The following PDE7B variants were observed in gnomAD, a reference collection of about 807,000 sequenced individuals.
PDE7B encodes phosphodiesterase 7B, also known as 3',5'-cyclic-AMP phosphodiesterase 7B.
Under a neutral mutation model 56.2 loss-of-function variants are expected in PDE7B, and 29 were observed. The observed-to-expected ratio is 0.52, with a 90% CI of 0.38 to 0.70. PDE7B has a LOEUF of 0.70. Among genes scored for constraint, PDE7B ranks in the 30% least tolerant of loss-of-function variants. The pLI, the probability that PDE7B is intolerant of heterozygous loss-of-function variation, is 0.00. For synonymous variants in PDE7B, 197 were observed against 196.9 expected, an observed-to-expected ratio of 1.00 and a Z score of 0.00; for missense variants, 490 against 565.0, an observed-to-expected ratio of 0.87 and a Z score of 1.35.
chr6:135,883,087 T>C (rs1775639215), intron 1 of PDE7B, among the ~76,000 whole-genome samples: 1 of 152,218 alleles, frequency 6.6e-6, no homozygotes, highest in South Asian at 2.1e-4. Flanking sequence ...GGTTTCTTTT[T>C]ACTAATACAC....
intron 2 of PDE7B, among the ~76,000 whole-genome samples, chr6:136,063,570 C>T (rs1468670516): frequency 6.6e-6 from 1 of 152,218 alleles, no homozygotes; most frequent in Non-Finnish European, 1.5e-5. Flanking sequence ...ACAAGTTACT[C>T]TTTCCAAGGC....
At chr6:135,878,919 T>C (rs1775551426) in intron 1 of PDE7B, among the ~76,000 whole-genome samples, 2 of 152,192 alleles carry the variant, frequency 1.3e-5, no homozygotes, top group Non-Finnish European at 2.9e-5. Flanking sequence ...TTTTATTTGA[T>C]TTGTAACAGC....
chr6:136,015,102 A>T (rs529940248), intron 2 of PDE7B, among the ~76,000 whole-genome samples: 1 of 152,192 alleles, frequency 6.6e-6, no homozygotes, highest in Admixed American at 6.5e-5. Flanking sequence ...ATTCCATGAT[A>T]TTTGTATTAG....
At position 135,978,943 on chromosome 6, in the gene PDE7B, C is replaced by T. The variant is rs186162951; in HGVS notation, c.82+31419C>T. 3.7e-3 allele frequency among the ~76,000 whole-genome samples: 568 copies of T among 152,056 alleles called. 14 individuals carry two copies. Among genetic ancestry groups the T allele is most frequent in the African/African-American group, 0.011 (475 of 41,362 alleles). On this transcript the variant is annotated intron_variant, in intron 2 of 12. Transcript: ENST00000308191. Reference sequence around the variant, plus strand: ...AATAGGAGTGGTGAGAGAGGGCATCCGTGTCTTGTGCCAGATTTCAAGGGA... The same window carrying T: ...AATAGGAGTGGTGAGAGAGGGCATCTGTGTCTTGTGCCAGATTTCAAGGGA...
intron 8 of PDE7B, among the ~76,000 whole-genome samples, chr6:136,160,131 CAACTTT>C (rs1437105827): frequency 2.0e-5 from 3 of 152,102 alleles, no homozygotes; most frequent in Non-Finnish European, 4.4e-5. Flanking sequence ...CTTACTCCTT[CAACTTT>C]AAGATGAAGA....
intron 1 of PDE7B, among the ~76,000 whole-genome samples, chr6:135,911,153 T>G (rs189363487): frequency 6.6e-6 from 1 of 152,358 alleles, no homozygotes; most frequent in African/African-American, 2.4e-5. Flanking sequence ...AAACATAGTC[T>G]TTATTTACAA....
At chr6:135,930,574 C>A (rs1774276136) in intron 1 of PDE7B, among the ~76,000 whole-genome samples, 1 of 152,024 alleles carries the variant, frequency 6.6e-6, no homozygotes, top group African/African-American at 2.4e-5. Context: ...ATAAGGAAAG[C>A]CAAATGGATT....
At chr6:135,918,603 G>A (rs1302009315) in intron 1 of PDE7B, among the ~76,000 whole-genome samples, 1 of 151,110 alleles carries the variant, frequency 6.6e-6, no homozygotes, top group Non-Finnish European at 1.5e-5. Flanking sequence ...CCTGTAAGAT[G>A]AAAGTCCATT....
chr6:136,074,234 A>C lies in PDE7B; in HGVS notation c.83-34497A>C, dbSNP rs867363125. Among the ~76,000 whole-genome samples the C allele has an allele frequency of 2.0e-4, 31 of 151,594 alleles. No individual in the cohort carries two copies. In the Middle Eastern group the frequency reaches 0.01, roughly 50 times the overall value. ...GGTGACAGAGAGACCTTGTCTCAAAAAAAAAAAAAGGCGGGGGGGATTTGG... is the reference window on the plus strand; with the variant it reads ...GGTGACAGAGAGACCTTGTCTCAAACAAAAAAAAAGGCGGGGGGGATTTGG... On this transcript the variant is annotated intron_variant, in intron 2 of 12. Coordinates refer to ENST00000308191, the MANE Select transcript of PDE7B (RefSeq NM_018945.4).
intron 1 of PDE7B, among the ~76,000 whole-genome samples, chr6:135,906,947 A>G (rs1776127348): frequency 6.6e-6 from 1 of 151,666 alleles, no homozygotes; most frequent in Non-Finnish European, 1.5e-5. Context: ...AGGGTAACCA[A>G]ACTTAACCAG....
intron 2 of PDE7B, among the ~76,000 whole-genome samples, chr6:136,061,058 G>A (rs200183925): frequency 2.6e-5 from 4 of 152,056 alleles, no homozygotes; most frequent in African/African-American, 7.2e-5. Context: ...CTATGAAGTT[G>A]GCTGGCACCC....
At chr6:136,067,956 G>T (rs972269618) in intron 2 of PDE7B, among the ~76,000 whole-genome samples, 1 of 152,178 alleles carries the variant, frequency 6.6e-6, no homozygotes, top group African/African-American at 2.4e-5. Context: ...TGAATTTCTG[G>T]TTCTTGATTT....
chr6:135,871,011 T>G (rs1265107346), intron 1 of PDE7B, among the ~76,000 whole-genome samples: 1 of 152,134 alleles, frequency 6.6e-6, no homozygotes, highest in African/African-American at 2.4e-5. Context: ...CATGAAAGCC[T>G]CTTTAGACAT....
intron 2 of PDE7B, among the ~76,000 whole-genome samples, chr6:135,983,900 A>G (rs775504047): frequency 6.6e-6 from 1 of 152,250 alleles, no homozygotes; most frequent in Non-Finnish European, 1.5e-5. Flanking sequence ...AGGTTTCTTC[A>G]TTTCCCATAT....
chr6:136,017,335 C>A (rs1775992642), intron 2 of PDE7B, among the ~76,000 whole-genome samples: 1 of 152,090 alleles, frequency 6.6e-6, no homozygotes, highest in African/African-American at 2.4e-5. Flanking sequence ...TTTCAGCAAA[C>A]CTGAAAACTT....
At chr6:136,189,159 T>G (rs1033558226) in intron 12 of PDE7B, among the ~76,000 whole-genome samples, 3 of 152,208 alleles carry the variant, frequency 2.0e-5, no homozygotes, top group African/African-American at 7.2e-5. Context: ...CTCTCAGGCT[T>G]AGATCTGATT....
At position 135,866,729 on chromosome 6, in the gene PDE7B, T is replaced by A. The variant is rs113779184; in HGVS notation, c.21+14710T>A. ...TCATTATCTAAATTGTTTCACAGTT[T>A]ACAGTTCTGTACAAGCTAATGTCTC... On this transcript the variant is annotated intron_variant, in intron 1 of 12. Coordinates refer to ENST00000308191, the MANE Select transcript of PDE7B (RefSeq NM_018945.4). Among the ~76,000 whole-genome samples the A allele has an allele frequency of 7.3e-4, 111 of 152,334 alleles. 1 individual carries two copies. Among genetic ancestry groups the A allele is most frequent in the Non-Finnish European group, 1.4e-3 (95 of 68,026 alleles).
chr6:136,193,741 A>G lies in PDE7B; in HGVS notation c.*1901A>G, dbSNP rs1779267768. 1 of 152,222 alleles carries G rather than the reference A, an allele frequency of 6.6e-6. No individual in the cohort carries two copies. Among genetic ancestry groups the G allele is most frequent in the African/African-American group, 2.4e-5 (1 of 41,454 alleles). 9.4% of individuals were successfully genotyped at this position (152,222 alleles called of 1,614,324 possible). On this transcript the variant is annotated 3_prime_UTR_variant, in exon 13 of 13. Transcript: ENST00000308191. ...CAACTGTTTTAGAGATTTTTCTCCT[A>G]ACATGCAAAGGAAATACTGATTGGC... is the stretch of plus-strand genomic sequence containing the variant.
intron 1 of PDE7B, among the ~76,000 whole-genome samples, chr6:135,944,612 G>A (rs1006146365): frequency 2.6e-5 from 4 of 152,148 alleles, no homozygotes; most frequent in African/African-American, 9.7e-5. Flanking sequence ...TTGCTATTTG[G>A]TGATGAGCTT....
Sources: allele counts gnomAD v4.1 joint callset (sites outside exome capture counted in the v4.1 genomes callset), GRCh38; gene constraint gnomAD v4.1.1; transcripts MANE v1.5; gene names NCBI Gene and HGNC (gene_info 2026-07-23, HGNC 2026-07-21).